HTR2A: variants seen among roughly 807,000 people sequenced by gnomAD.
The protein encoded by HTR2A is 5-hydroxytryptamine receptor 2A.
HTR2A carries 14 observed loss-of-function variants against 31.0 expected under a neutral mutation model. The observed-to-expected ratio is 0.45, with a 90% CI of 0.30 to 0.71. The LOEUF (loss-of-function observed/expected upper bound fraction) is 0.71. Ranked by LOEUF, HTR2A falls within the 30% of genes least tolerant of loss-of-function variation. The pLI is 0.09. For synonymous variants in HTR2A, 209 were observed against 225.2 expected (o/e 0.93, Z 0.64); for missense variants, 442 against 573.3 (o/e 0.77, Z 2.34).
chr13:46,872,824 A>G (rs888734303), intron 3 of HTR2A, among the ~76,000 whole-genome samples: 19 of 152,200 alleles, frequency 1.2e-4, no homozygotes, highest in Non-Finnish European at 7.3e-5. Flanking sequence ...CAATTTTTGG[A>G]CTTCCCATTA....
chr13:46,833,734 C>T lies in HTR2A; in HGVS notation c.*1103G>A, dbSNP rs911681185. The T allele has an allele frequency of 6.6e-6, 1 of 152,160 alleles. No individual in the cohort carries two copies. Among genetic ancestry groups the T allele is most frequent in the Non-Finnish European group, 1.5e-5 (1 of 68,042 alleles). 9.4% of individuals were successfully genotyped at this position (152,160 alleles called of 1,614,324 possible). ...TATATTTCTCATATCTAGAAATTTG[C>T]TTCACACATAAATGTACACTCAATA... On this transcript the variant is annotated 3_prime_UTR_variant, in exon 4 of 4. Transcript: ENST00000542664.
rs576083739 is a variant in HTR2A at position 46,841,149 on chromosome 13, C to A, written c.614-5510G>T. On this transcript the variant is annotated intron_variant, in intron 3 of 3. Transcript: ENST00000542664. ...TGATCGTAAGTTTCCTGAGGCCTCC[C>A]CAGCCATGTGGAACTGTGAGTCAAT... Among the ~76,000 whole-genome samples, 480 of 152,250 alleles carry A rather than the reference C, an allele frequency of 3.2e-3. 1 individual carries two copies. Among genetic ancestry groups the A allele is most frequent in the Admixed American group, 5.6e-3 (86 of 15,284 alleles).
intron 3 of HTR2A, among the ~76,000 whole-genome samples, chr13:46,864,532 C>T (rs779441863): frequency 3.9e-5 from 6 of 152,164 alleles, no homozygotes; most frequent in Admixed American, 2.0e-4. Context: ...ATCTCTCTGA[C>T]GTAAAGGAGA....
At chr13:46,842,154 G>A (rs534629159) in intron 3 of HTR2A, among the ~76,000 whole-genome samples, 1 of 152,186 alleles carries the variant, frequency 6.6e-6, no homozygotes, top group African/African-American at 2.4e-5. Context: ...CAGAAAGTTG[G>A]GGGCAAAATC....
intron 3 of HTR2A, among the ~76,000 whole-genome samples, chr13:46,836,995 A>G (rs893637045): frequency 6.6e-6 from 1 of 152,180 alleles, no homozygotes; most frequent in African/African-American, 2.4e-5. Flanking sequence ...TGACAAATAT[A>G]AAAAGTAGGT....
At chr13:46,876,385 CATATAT>C (rs1213510951) in intron 3 of HTR2A, among the ~76,000 whole-genome samples, 2,019 of 94,030 alleles carry the variant, frequency 0.021, 115 homozygotes, top group East Asian at 0.067. Context: ...TATTTTGATT[CATATAT>C]ATATATATAT....
At chr13:46,857,826 A>T (rs746224695) in intron 3 of HTR2A, among the ~76,000 whole-genome samples, 1 of 152,208 alleles carries the variant, frequency 6.6e-6, no homozygotes, top group African/African-American at 2.4e-5. Context: ...GGGAGAAGCC[A>T]CATCTCGAAG....
At chr13:46,838,784 TG>T (rs1415297470) in intron 3 of HTR2A, among the ~76,000 whole-genome samples, 1 of 152,174 alleles carries the variant, frequency 6.6e-6, no homozygotes, top group Non-Finnish European at 1.5e-5. Flanking sequence ...TGTGTGATTT[TG>T]TTATTAAACT....
At chr13:46,839,519 T>C (rs896707667) in intron 3 of HTR2A, among the ~76,000 whole-genome samples, 3 of 152,204 alleles carry the variant, frequency 2.0e-5, no homozygotes, top group African/African-American at 7.2e-5. Flanking sequence ...TGTTTGACAA[T>C]AGCTGCTTTT....
At chr13:46,874,435 T>C (rs1157209307) in intron 3 of HTR2A, among the ~76,000 whole-genome samples, 3 of 152,240 alleles carry the variant, frequency 2.0e-5, no homozygotes, top group African/African-American at 7.2e-5. Context: ...TGTTTCTTTT[T>C]CCCTCCCTTC....
At chr13:46,897,366 A>C (rs1381955426), upstream of HTR2A, among the ~76,000 whole-genome samples, 1 of 152,180 alleles carries the variant, frequency 6.6e-6, no homozygotes, top group Non-Finnish European at 1.5e-5. Context: ...CAAAGCCAAC[A>C]GTGTTTGTGT....
intron 3 of HTR2A, chr13:46,856,313 TA>T (rs1330717800): frequency 6.6e-6 from 1 of 152,244 alleles, no homozygotes; most frequent in Non-Finnish European, 1.5e-5. Context: ...TTTATCTTTT[TA>T]ATGACACTTC....
Position 46,895,592 on chromosome 13 carries a change from C to T in HTR2A, c.315G>A (p.Leu105=), listed in dbSNP as rs777450723. The part of the protein sequence containing the change: ...VIMAVSLEKK[L]QNATNYFLMS... ...TCAGGAAATAGTTGGTGGCATTCTG[C>T]AGCTTTTTCTCTAGGGACACTGCCA... The change falls in exon 2 of 4, where the codon CTG becomes CTA. Residue 105 remains leucine (L), a synonymous_variant. Transcript: ENST00000542664. The surrounding 1 kb of genome is among the most constrained non-coding windows in gnomAD (Gnocchi z 4.4). 1.9e-6 allele frequency: 3 copies of T among 1,614,188 alleles called. No homozygotes were observed. The highest frequency in any genetic ancestry group is 2.5e-6 in the Non-Finnish European group (3 of 1,180,018).
At chr13:46,858,690 G>A (rs1477465924) in intron 3 of HTR2A, among the ~76,000 whole-genome samples, 1 of 152,176 alleles carries the variant, frequency 6.6e-6, no homozygotes, top group Non-Finnish European at 1.5e-5. Context: ...GCTGAACAGA[G>A]AGGGTGAGGA....
intron 3 of HTR2A, among the ~76,000 whole-genome samples, chr13:46,866,853 A>G (rs568754769): frequency 7.2e-5 from 11 of 152,228 alleles, no homozygotes; most frequent in South Asian, 2.1e-4. Context: ...CTGGTGAAAC[A>G]TATTCTCTAC....
chr13:46,872,443 T>G (rs892412465), intron 3 of HTR2A, among the ~76,000 whole-genome samples: 2 of 151,214 alleles, frequency 1.3e-5, no homozygotes, highest in Non-Finnish European at 2.9e-5. Flanking sequence ...GTAATTATTA[T>G]GCAAAATAAC....
rs1348897208 is a variant in HTR2A, at chr13:46,896,833, T to G, written c.-488A>C. On this transcript the variant is annotated 5_prime_UTR_variant, in exon 1 of 4. It removes an upstream start codon present in the reference 5' UTR. Coordinates refer to ENST00000542664, the MANE Select transcript of HTR2A (RefSeq NM_000621.5). ...TGTTTTGCTGACTTCAAAAACTGCA[T>G]GCAAGAGCTGAGCCAGCTCCCGCAC... 1 of 1,536,938 alleles carries G rather than the reference T, an allele frequency of 6.5e-7. No homozygotes were observed. Among genetic ancestry groups the G allele is most frequent in the African/African-American group, 1.4e-5 (1 of 73,168 alleles).
intron 3 of HTR2A, among the ~76,000 whole-genome samples, chr13:46,873,427 T>TTTATTA (rs56356002): frequency 0.22 from 32,380 of 144,554 alleles, 4,019 homozygotes; most frequent in Non-Finnish European, 0.28. Context: ...TAATATAAAA[T>TTTATTA]TTATTATTAT....
At chr13:46,878,465 G>T (rs1023537725) in intron 3 of HTR2A, among the ~76,000 whole-genome samples, 1 of 152,134 alleles carries the variant, frequency 6.6e-6, no homozygotes, top group Non-Finnish European at 1.5e-5. Flanking sequence ...GATGCCGGGG[G>T]TTGAAGCCCT....
Sources: gnomAD v4.1 joint callset for allele counts (sites outside exome capture counted in the v4.1 genomes callset) on GRCh38, gnomAD v4.1.1 for gene constraint, Gnocchi (gnomAD v3.1) non-coding constraint, MANE v1.5 for transcripts, NCBI Gene and HGNC (gene_info 2026-07-23, HGNC 2026-07-21) for gene names.